The following BEAN1 variants were observed in gnomAD, a reference collection of about 807,000 sequenced individuals.
The protein encoded by BEAN1 is brain expressed associated with NEDD4 1, also known as protein BEAN1.
Under a neutral mutation model 17.7 loss-of-function variants are expected in BEAN1, and 17 were observed. The observed-to-expected ratio is 0.96, with a 90% CI of 0.66 to 1.44. BEAN1 has a LOEUF of 1.44. Ranked by LOEUF, BEAN1 falls within the 40% of genes most tolerant of loss-of-function variation. The pLI is 0.00. For synonymous variants in BEAN1, 142 were observed against 151.8 expected, an observed-to-expected ratio of 0.94 and a Z score of 0.47; for missense variants, 359 against 374.1, an observed-to-expected ratio of 0.96 and a Z score of 0.33.
chr16:66,479,234 T>A (rs1567508754), intron 4 of BEAN1: 3 of 152,380 alleles, frequency 2.0e-5, no homozygotes, highest in Admixed American at 1.3e-4. Context: ...ACCTCCCCCA[T>A]CCCCAGCTGC....
At chr16:66,437,155 C>T (rs1962058926) in intron 1 of BEAN1, among the ~76,000 whole-genome samples, 1 of 151,912 alleles carries the variant, frequency 6.6e-6, no homozygotes, top group Non-Finnish European at 1.5e-5. Context: ...CAATGAACAC[C>T]CTTCAAAAGC....
intron 3 of BEAN1, among the ~76,000 whole-genome samples, chr16:66,472,165 T>C (rs1391096935): frequency 1.3e-5 from 2 of 152,238 alleles, no homozygotes; most frequent in African/African-American, 2.4e-5. Context: ...GGAGCTTGTC[T>C]GGCCTCTCCT....
chr16:66,469,793 C>T lies in BEAN1; in HGVS notation c.217C>T (p.Arg73Cys), dbSNP rs890742299. Residue 73 changes from arginine to cysteine, a missense_variant, in exon 3 of 5, where the codon CGC becomes TGC. Coordinates refer to ENST00000536005, the MANE Select transcript of BEAN1 (RefSeq NM_001178020.3). ...RQARLQRHRHRHHRHHHHHHH... is the reference protein window; with the variant it reads ...RQARLQRHRHCHHRHHHHHHH... ...GGCCCGGCTTCAGCGGCACCGCCAC[C>T]GCCACCACCGCCACCACCACCACCA... 67 of 1,534,304 alleles carry T rather than the reference C, an allele frequency of 4.4e-5. No individual in the cohort carries two copies. Among genetic ancestry groups the T allele is most frequent in the Admixed American group, 1.4e-4 (7 of 50,906 alleles).
intron 2 of BEAN1, among the ~76,000 whole-genome samples, chr16:66,452,184 G>A (rs1048581146): frequency 6.6e-6 from 1 of 152,200 alleles, no homozygotes; most frequent in Non-Finnish European, 1.5e-5. Flanking sequence ...AGAGGTAACT[G>A]TCTTTTCCTA....
At chr16:66,441,388 C>T (rs1962250421) in intron 2 of BEAN1, among the ~76,000 whole-genome samples, 1 of 152,182 alleles carries the variant, frequency 6.6e-6, no homozygotes, top group African/African-American at 2.4e-5. Context: ...CATGGACACA[C>T]ACCCCTGTTT....
intron 4 of BEAN1, among the ~76,000 whole-genome samples, chr16:66,488,533 A>AAAC (rs1964121115): frequency 7.0e-6 from 1 of 143,664 alleles, no homozygotes; most frequent in South Asian, 2.3e-4. Flanking sequence ...AAAAAAAAAA[A>AAAC]AAAAAAACTG....
At position 66,480,949 on chromosome 16, in the gene BEAN1, C is replaced by T. The variant is rs1427130523; in HGVS notation, c.*24C>T. 11 of 1,412,264 alleles carry T rather than the reference C, an allele frequency of 7.8e-6. No individual in the cohort carries two copies. Among genetic ancestry groups the T allele is most frequent in the Non-Finnish European group, 1.0e-5 (11 of 1,069,554 alleles). 87.5% of individuals were successfully genotyped at this position (1,412,264 alleles called of 1,614,324 possible). A position where few individuals can be genotyped will look rare whatever the true frequency, so the allele number is the denominator to read the frequency against. Reference sequence around the variant, plus strand: ...GAGGGACCCAGCCAGCCGGGTCCTGCTGGTCCCTACAGGCTGAACCACATT... The same window carrying T: ...GAGGGACCCAGCCAGCCGGGTCCTGTTGGTCCCTACAGGCTGAACCACATT... On this transcript the variant is annotated 3_prime_UTR_variant, in exon 5 of 5. Transcript: ENST00000536005.
chr16:66,471,173 G>C lies in BEAN1; in HGVS notation c.289+1308G>C, dbSNP rs529847881. ...CTCCTCCCCCTCCCAGACACACCCT[G>C]ATTAGCCAGGTTTGGGGTATTTCCT... On this transcript the variant is annotated intron_variant, in intron 3 of 4. Transcript: ENST00000536005. This position sits in a 1 kb window ranked among gnomAD's most constrained non-coding sequence, Gnocchi z 4.7. 6.2e-4 allele frequency among the ~76,000 whole-genome samples: 95 copies of C among 152,360 alleles called. No individual in the cohort carries two copies. The highest frequency in any genetic ancestry group is 2.0e-3 in the African/African-American group (85 of 41,576).
At chr16:66,440,351 G>A (rs574423923) in intron 2 of BEAN1, among the ~76,000 whole-genome samples, 1 of 151,898 alleles carries the variant, frequency 6.6e-6, no homozygotes, top group African/African-American at 2.4e-5. Flanking sequence ...GGCTCGTCTC[G>A]AACTCCTGAC....
chr16:66,431,803 A>AT (rs1461585910), intron 1 of BEAN1, among the ~76,000 whole-genome samples: 1 of 150,268 alleles, frequency 6.7e-6, no homozygotes, highest in African/African-American at 2.5e-5. Flanking sequence ...TATGTTATTA[A>AT]TTTTTTTTGT....
chr16:66,478,962 G>A (rs1963877846), intron 4 of BEAN1: 1 of 152,384 alleles, frequency 6.6e-6, no homozygotes, highest in Non-Finnish European at 1.5e-5. Flanking sequence ...AGTGGGGTTT[G>A]ACCTCCTCTC....
chr16:66,439,190 T>C (rs1350085546), intron 2 of BEAN1, among the ~76,000 whole-genome samples: 1 of 152,130 alleles, frequency 6.6e-6, no homozygotes, highest in Non-Finnish European at 1.5e-5. Flanking sequence ...CAAAGAGTAG[T>C]GTCCAGAGGG....
chr16:66,490,414 TAAA>T (rs1214448286), intron 4 of BEAN1, among the ~76,000 whole-genome samples: 7 of 127,836 alleles, frequency 5.5e-5, no homozygotes, highest in Non-Finnish European at 6.4e-5. Context: ...TAAAATAAAA[TAAA>T]ATAAAATAAA....
intron 4 of BEAN1, among the ~76,000 whole-genome samples, chr16:66,492,751 T>C (rs1395289996): frequency 6.6e-6 from 1 of 152,180 alleles, no homozygotes; most frequent in Non-Finnish European, 1.5e-5. Context: ...ACTTTCTGAG[T>C]GTCTTTGGAC....
chr16:66,440,233 G>A (rs759818598), intron 2 of BEAN1, among the ~76,000 whole-genome samples: 18 of 148,278 alleles, frequency 1.2e-4, no homozygotes, highest in Non-Finnish European at 2.2e-4. Flanking sequence ...AGGTTCAAGC[G>A]ATTCTCCTGA....
At chr16:66,463,080 A>G (rs1308654287) in intron 2 of BEAN1, among the ~76,000 whole-genome samples, 1 of 152,174 alleles carries the variant, frequency 6.6e-6, no homozygotes, top group Admixed American at 6.5e-5. Context: ...ACTTTGCGGG[A>G]CTACCATGAG....
rs1457117023 is a variant in BEAN1 at position 66,493,125 on chromosome 16, T to C, written c.311T>C (p.Phe104Ser). The C allele has an allele frequency of 1.4e-5, 10 of 702,830 alleles. No individual in the cohort carries two copies. In the Admixed American group the frequency reaches 2.0e-4, roughly 14 times the overall value. 43.5% of individuals were successfully genotyped at this position (702,830 alleles called of 1,614,324 possible). A position where few individuals can be genotyped will look rare whatever the true frequency, so the allele number is the denominator to read the frequency against. ...GTCAAGCAGATGGTGTTCAAGATCTTCCTGGTGAGGGTCTCATGTGAAGCC... is the reference window on the plus strand; with the variant it reads ...GTCAAGCAGATGGTGTTCAAGATCTCCCTGGTGAGGGTCTCATGTGAAGCC... The change falls in exon 5 of 5, where the codon TTC (phenylalanine) becomes TCC (serine). Residue 104 changes from phenylalanine to serine, a missense_variant. Physicochemically the swap from Phe to Ser is radical, Grantham distance 155. Coordinates refer to the BEAN1 transcript ENST00000561796.
chr16:66,481,172 G>C lies in BEAN1; in HGVS notation c.*247G>C. The C allele has an allele frequency of 2.4e-6, 1 of 418,342 alleles. No individual in the cohort carries two copies. The highest frequency in any genetic ancestry group is 4.2e-6 in the Non-Finnish European group (1 of 238,566). 25.9% of individuals were successfully genotyped at this position (418,342 alleles called of 1,614,324 possible). ...ACAAACACAAAACCCACCTGCAAAG[G>C]TTTCACGGAACGTGGAGCTCTCCTG... On this transcript the variant is annotated 3_prime_UTR_variant, in exon 5 of 5. Coordinates refer to ENST00000536005, the MANE Select transcript of BEAN1 (RefSeq NM_001178020.3). The surrounding 1 kb of genome is among the most constrained non-coding windows in gnomAD (Gnocchi z 4.1).
intron 3 of BEAN1, chr16:66,475,599 C>T (rs1007572853): frequency 5.3e-5 from 8 of 152,250 alleles, no homozygotes; most frequent in African/African-American, 1.4e-4. Flanking sequence ...CTTCCAGTCT[C>T]ACCTTGTTGC....
Sources: allele counts gnomAD v4.1 joint callset (sites outside exome capture counted in the v4.1 genomes callset), GRCh38; gene constraint gnomAD v4.1.1; non-coding constraint Gnocchi (gnomAD v3.1); transcripts MANE v1.5; gene names NCBI Gene and HGNC (gene_info 2026-07-23, HGNC 2026-07-21).